The following KCNIP4 variants were observed in gnomAD, a reference collection of about 807,000 sequenced individuals.
KCNIP4 encodes the protein potassium voltage-gated channel interacting protein 4.
A neutral mutation model predicts 34.0 loss-of-function variants in KCNIP4; 12 were observed. The ratio of observed to expected loss-of-function variants is 0.35; its 90% CI spans 0.23 to 0.57. The LOEUF is 0.57. KCNIP4 is among the 20% of genes least tolerant of loss of function. The pLI, the probability that KCNIP4 is intolerant of heterozygous loss-of-function variation, is 0.83. For missense variants in KCNIP4, 238 were observed against 311.7 expected (o/e 0.76, Z 1.78); for synonymous variants, 124 against 102.2 (o/e 1.21, Z -1.29).
At chr4:21,211,658 C>G (rs1055438354) in intron 1 of KCNIP4, among the ~76,000 whole-genome samples, 1 of 152,022 alleles carries the variant, frequency 6.6e-6, no homozygotes, top group African/African-American at 2.4e-5. Context: ...GAAAGCAAAG[C>G]TGTTTAGAAA....
intron 1 of KCNIP4, among the ~76,000 whole-genome samples, chr4:21,879,153 T>C (rs546332778): frequency 2.0e-5 from 3 of 152,118 alleles, no homozygotes; most frequent in Non-Finnish European, 4.4e-5. Flanking sequence ...TATGAACATA[T>C]GCCATGTGAT....
chr4:21,018,735 A>AT lies in KCNIP4; in HGVS notation c.62-136027dup, dbSNP rs1739771699. 7.2e-5 allele frequency among the ~76,000 whole-genome samples: 11 copies of AT among 151,776 alleles called. No homozygotes were observed. In the South Asian group the frequency reaches 1.9e-3, roughly 26 times the overall value. On this transcript the variant is annotated intron_variant, in intron 1 of 8. Coordinates refer to ENST00000382152, the MANE Select transcript of KCNIP4 (RefSeq NM_025221.6). ...TTTCTCTCCTCATTTTTTTGGAGGG[A>AT]TTTTTTCTTAATAAAGTCCCTGTAT...
intron 1 of KCNIP4, among the ~76,000 whole-genome samples, chr4:21,776,142 G>A (rs533212733): frequency 6.6e-6 from 1 of 152,300 alleles, no homozygotes; most frequent in South Asian, 2.1e-4. Flanking sequence ...TCCCCAGCTG[G>A]GTAGCATGCT....
rs970864996 is a variant in KCNIP4 at position 21,670,817 on chromosome 4, G to A, written c.61+277754C>T. On this transcript the variant is annotated intron_variant, in intron 1 of 8. Transcript: ENST00000382152. ...ACTACAGGTGCCTGCAACCACGCCC[G>A]GCTTATTTTTTTGTATTTTTAGTAG... Among the ~76,000 whole-genome samples the A allele has an allele frequency of 1.8e-4, 27 of 152,000 alleles. 1 individual carries two copies. Among genetic ancestry groups the A allele is most frequent in the African/African-American group, 6.5e-4 (27 of 41,464 alleles).
At chr4:21,287,347 T>C (rs887082899) in intron 1 of KCNIP4, among the ~76,000 whole-genome samples, 1 of 152,162 alleles carries the variant, frequency 6.6e-6, no homozygotes, top group Non-Finnish European at 1.5e-5. Flanking sequence ...AGAAGAAATA[T>C]GTGTGTACTA....
chr4:21,080,211 G>A, intron 1 of KCNIP4, among the ~76,000 whole-genome samples: 1 of 151,714 alleles, frequency 6.6e-6, no homozygotes, highest in East Asian at 1.9e-4. Context: ...GTGATCCCAG[G>A]CAAGTTATTA....
chr4:21,341,943 T>G (rs943939349), intron 1 of KCNIP4, among the ~76,000 whole-genome samples: 2 of 152,168 alleles, frequency 1.3e-5, no homozygotes, highest in African/African-American at 4.8e-5. Context: ...AGATCTGCAA[T>G]CAACAAGGTG....
chr4:21,750,577 A>G lies in KCNIP4; in HGVS notation c.61+197994T>C, dbSNP rs144448535. Among the ~76,000 whole-genome samples, 1,331 of 152,280 alleles carry G rather than the reference A, an allele frequency of 8.7e-3. 19 individuals are homozygous for G. The highest frequency in any genetic ancestry group is 0.039 in the South Asian group (188 of 4,830). On this transcript the variant is annotated intron_variant, in intron 1 of 8. Coordinates refer to ENST00000382152, the MANE Select transcript of KCNIP4 (RefSeq NM_025221.6). ...CTTTGAGGAAAGTGGCTAATTATAA[A>G]CATATTTTGAAAACAAGTGCTACCA... is the stretch of plus-strand genomic sequence containing the variant.
intron 2 of KCNIP4, among the ~76,000 whole-genome samples, chr4:20,876,327 A>C (rs1327030486): frequency 6.6e-6 from 1 of 152,166 alleles, no homozygotes; most frequent in Non-Finnish European, 1.5e-5. Flanking sequence ...ACTGGGGCAT[A>C]GAGAGATAAA....
intron 1 of KCNIP4, among the ~76,000 whole-genome samples, chr4:21,918,102 C>T (rs1042104798): frequency 6.6e-6 from 1 of 152,188 alleles, no homozygotes; most frequent in Non-Finnish European, 1.5e-5. Flanking sequence ...TTTACCTTGA[C>T]TTAGAGACCT....
At chr4:20,746,455 G>A (rs1181755834) in intron 5 of KCNIP4, among the ~76,000 whole-genome samples, 1 of 151,812 alleles carries the variant, frequency 6.6e-6, no homozygotes, top group Non-Finnish European at 1.5e-5. Context: ...AAACCACCAT[G>A]GCACGTGTAT....
chr4:21,357,294 A>G (rs1351044054), intron 1 of KCNIP4, among the ~76,000 whole-genome samples: 1 of 152,224 alleles, frequency 6.6e-6, no homozygotes, highest in African/African-American at 2.4e-5. Flanking sequence ...AGCAATGGCA[A>G]CAAAAGCCAA....
chr4:20,816,253 CA>C (rs534519786), intron 3 of KCNIP4, among the ~76,000 whole-genome samples: 1,039 of 84,556 alleles, frequency 0.012, 6 homozygotes, highest in Middle Eastern at 0.041. Context: ...GACTCCATCT[CA>C]AAAAAAAAAA....
At chr4:21,714,247 CT>C (rs1560654775) in intron 1 of KCNIP4, among the ~76,000 whole-genome samples, 1 of 152,142 alleles carries the variant, frequency 6.6e-6, no homozygotes, top group African/African-American at 2.4e-5. Context: ...GTGGTAAGTT[CT>C]CCCTCATAGC....
intron 1 of KCNIP4, among the ~76,000 whole-genome samples, 182 bp downstream of exon 1, chr4:21,948,389 C>G (rs566618548): frequency 6.6e-6 from 1 of 152,132 alleles, no homozygotes. Context: ...ATGCACCCCC[C>G]TCTCCTTTGC....
intron 1 of KCNIP4, among the ~76,000 whole-genome samples, chr4:21,629,688 T>C (rs996976693): frequency 3.3e-5 from 5 of 152,110 alleles, no homozygotes; most frequent in African/African-American, 1.2e-4. Flanking sequence ...AGAAACAACC[T>C]GATACCTATA....
Position 21,886,049 on chromosome 4 carries a change from T to G in KCNIP4, c.61+62522A>C, listed in dbSNP as rs914973255. Among the ~76,000 whole-genome samples the G allele has an allele frequency of 2.0e-5, 3 of 152,180 alleles. No individual in the cohort carries two copies. The East Asian group carries it at 5.8e-4, about 29-fold the overall frequency. ...TGTGGATTATTTTTTCTTACTATTA[T>G]ATAATATGTCATATTTCTTACATAA... On this transcript the variant is annotated intron_variant, in intron 1 of 8. Coordinates refer to ENST00000382152, the MANE Select transcript of KCNIP4 (RefSeq NM_025221.6).
intron 5 of KCNIP4, among the ~76,000 whole-genome samples, chr4:20,747,737 C>T (rs55702134): frequency 0.041 from 6,194 of 152,214 alleles, 163 homozygotes; most frequent in Non-Finnish European, 0.065. Flanking sequence ...CCAGAATCTT[C>T]GCAGTTGTGG....
In KCNIP4 at chr4:21,566,600, C is replaced by T. The variant is rs142776756; in HGVS notation, c.61+381971G>A. ...CTGTACAGTTTATGGAACTGTCAGC[C>T]AATTAAACCTTCTTTCTTTATAAAT... On this transcript the variant is annotated intron_variant, in intron 1 of 8. Transcript: ENST00000382152. 5.9e-5 allele frequency among the ~76,000 whole-genome samples: 9 copies of T among 152,244 alleles called. No individual in the cohort carries two copies. In the South Asian group the frequency reaches 8.3e-4, roughly 14 times the overall value.
Sources: gnomAD v4.1 joint callset for allele counts (sites outside exome capture counted in the v4.1 genomes callset) on GRCh38, gnomAD v4.1.1 for gene constraint, MANE v1.5 for transcripts, NCBI Gene and HGNC (gene_info 2026-07-23, HGNC 2026-07-21) for gene names.